Variants in TMEM68 observed in about 807,000 individuals in gnomAD.
The protein encoded by TMEM68 is transmembrane protein 68.
Under a neutral mutation model 36.9 loss-of-function variants are expected in TMEM68, and 25 were observed. That is an observed-to-expected ratio of 0.68 (90% CI 0.49 to 0.95). TMEM68 has a LOEUF of 0.95. Ranked by LOEUF, TMEM68 falls within the 40% of genes least tolerant of loss-of-function variation. The pLI, the probability that TMEM68 is intolerant of heterozygous loss-of-function variation, is 0.00. For synonymous variants in TMEM68, 131 were observed against 124.4 expected, an observed-to-expected ratio of 1.05 and a Z score of -0.35; for missense variants, 333 against 392.0, an observed-to-expected ratio of 0.85 and a Z score of 1.27.
rs537437712 is a variant in TMEM68, at chr8:55,758,051, T to C, written c.326-1640A>G. On this transcript the variant is annotated intron_variant, in intron 3 of 7. Coordinates refer to ENST00000434581, the MANE Select transcript of TMEM68 (RefSeq NM_001286657.2). The stretch of plus-strand genomic sequence containing the variant: ...CCCCAAGTACCCCCATGTGGAGTTA[T>C]AAGCAAAGGCGACCTTTTCCTGGGG... Among the ~76,000 whole-genome samples, 3 of 152,246 alleles carry C rather than the reference T, an allele frequency of 2.0e-5. No individual in the cohort carries two copies. The South Asian group carries it at 6.2e-4, about 32-fold the overall frequency.
chr8:55,769,520 T>C (rs1450893956), intron 1 of TMEM68, among the ~76,000 whole-genome samples: 1 of 152,030 alleles, frequency 6.6e-6, no homozygotes, highest in Non-Finnish European at 1.5e-5. Flanking sequence ...CTATTCTAAA[T>C]ATATCAGTAA....
At chr8:55,758,290 GACC>G (rs1810669483) in intron 3 of TMEM68, among the ~76,000 whole-genome samples, 1 of 152,096 alleles carries the variant, frequency 6.6e-6, no homozygotes, top group Non-Finnish European at 1.5e-5. Context: ...ACCTCCAACC[GACC>G]ACCAATGGCC....
intron 1 of TMEM68, among the ~76,000 whole-genome samples, chr8:55,768,961 A>G (rs2130042927): frequency 6.8e-6 from 1 of 146,374 alleles, no homozygotes; most frequent in African/African-American, 2.5e-5. Context: ...AGCTGCAGTG[A>G]GTAATGATCA....
chr8:55,763,067 G>T, intron 2 of TMEM68, 39 bp from the exon 3 acceptor site: 1 of 1,227,800 alleles, frequency 8.1e-7, no homozygotes, highest in Non-Finnish European at 1.1e-6. Flanking sequence ...TTTCTCCACA[G>T]CTATAAAGTT....
intron 4 of TMEM68, among the ~76,000 whole-genome samples, chr8:55,754,927 ATATT>A (rs1334023134): frequency 4.4e-5 from 2 of 44,968 alleles, no homozygotes; most frequent in African/African-American, 9.1e-5. Context: ...ATATTTATAT[ATATT>A]TATATATATT....
intron 4 of TMEM68, among the ~76,000 whole-genome samples, chr8:55,754,068 GACA>G (rs1226031959): frequency 6.6e-6 from 1 of 151,892 alleles, no homozygotes; most frequent in Non-Finnish European, 1.5e-5. Context: ...CTCCAGCCTG[GACA>G]ACAAGAGCGA....
chr8:55,754,533 AC>A (rs1348409525), intron 4 of TMEM68, among the ~76,000 whole-genome samples: 11 of 140,302 alleles, frequency 7.8e-5, no homozygotes, highest in African/African-American at 2.9e-4. Flanking sequence ...ATTTACATAT[AC>A]TTATATTATA....
chr8:55,757,170 T>C (rs1256355373), intron 3 of TMEM68, among the ~76,000 whole-genome samples: 1 of 152,102 alleles, frequency 6.6e-6, no homozygotes, highest in African/African-American at 2.4e-5. Flanking sequence ...ACCCTACTGA[T>C]GAGAAAAAGC....
In TMEM68 at chr8:55,740,099, G is replaced by A. The variant is rs773908564; in HGVS notation, c.*33C>T. On this transcript the variant is annotated 3_prime_UTR_variant, in exon 8 of 8. Transcript: ENST00000434581. ...TTAGATACAAACATTTAATATAAATGTACTAAATCATCTTCTAGTTGACCC... is the reference window on the plus strand; with the variant it reads ...TTAGATACAAACATTTAATATAAATATACTAAATCATCTTCTAGTTGACCC... 9 of 1,535,564 alleles carry A rather than the reference G, an allele frequency of 5.9e-6. No homozygotes were observed. Among genetic ancestry groups the A allele is most frequent in the African/African-American group, 1.4e-5 (1 of 73,204 alleles).
At chr8:55,750,700 T>C (rs531152728) in intron 5 of TMEM68, among the ~76,000 whole-genome samples, 3 of 152,076 alleles carry the variant, frequency 2.0e-5, no homozygotes, top group East Asian at 1.9e-4. Context: ...CCACCATGCC[T>C]GGCTAATTTT....
At chr8:55,766,431 C>T (rs1368969938) in intron 1 of TMEM68, among the ~76,000 whole-genome samples, 11 of 137,422 alleles carry the variant, frequency 8.0e-5, no homozygotes, top group Non-Finnish European at 1.4e-4. Flanking sequence ...GGCTGGAGTG[C>T]AGTGGCGTGA....
intron 1 of TMEM68, among the ~76,000 whole-genome samples, chr8:55,769,690 T>A (rs1350341896): frequency 6.6e-6 from 1 of 152,142 alleles, no homozygotes; most frequent in Non-Finnish European, 1.5e-5. Flanking sequence ...TGGACTGCAG[T>A]GGCTCGATTT....
intron 6 of TMEM68, 128 bp from the exon 7 acceptor site, chr8:55,743,748 C>T (rs905740172): frequency 1.0e-5 from 8 of 764,288 alleles, no homozygotes; most frequent in African/African-American, 7.2e-5. Flanking sequence ...GCAATTAATA[C>T]AATTTTTTTA....
chr8:55,754,846 A>G (rs1810548766), intron 4 of TMEM68, among the ~76,000 whole-genome samples: 2 of 134,318 alleles, frequency 1.5e-5, no homozygotes, highest in Non-Finnish European at 3.1e-5. Flanking sequence ...TATGTAATAT[A>G]TATTTATATT....
intron 1 of TMEM68, among the ~76,000 whole-genome samples, chr8:55,765,534 A>G (rs1810937867): frequency 1.3e-5 from 2 of 152,220 alleles, no homozygotes; most frequent in Non-Finnish European, 2.9e-5. Context: ...AATACCTTAC[A>G]TGTAATCAGT....
chr8:55,740,620 G>C (rs1810070792), intron 7 of TMEM68, among the ~76,000 whole-genome samples: 1 of 152,160 alleles, frequency 6.6e-6, no homozygotes, highest in Non-Finnish European at 1.5e-5. Context: ...AAACACTAAA[G>C]GGGACTTAAA....
Position 55,743,518 on chromosome 8 carries a change from T to C in TMEM68, c.851A>G (p.Tyr284Cys). Reference sequence around the variant, plus strand: ...TTCTTCCGCTGTTATCTGTGGGTCATACGGAATGGGGTCGCCTAAATAGGT... The same window carrying C: ...TTCTTCCGCTGTTATCTGTGGGTCACACGGAATGGGGTCGCCTAAATAGGT... ...LRTYLGDPIP[Y>C]DPQITAEELA... Residue 284 changes from tyrosine to cysteine, a missense_variant, in exon 7 of 8, where the codon TAT (tyrosine) becomes TGT (cysteine). Tyr to Cys is a radical substitution (Grantham distance 194). Coordinates refer to ENST00000434581, the MANE Select transcript of TMEM68 (RefSeq NM_001286657.2). 1.3e-6 allele frequency: 2 copies of C among 1,535,772 alleles called. No individual in the cohort carries two copies. Among genetic ancestry groups the C allele is most frequent in the Non-Finnish European group, 1.7e-6 (2 of 1,146,704 alleles).
At chr8:55,766,397 G>A (rs988225703) in intron 1 of TMEM68, among the ~76,000 whole-genome samples, 7 of 127,992 alleles carry the variant, frequency 5.5e-5, no homozygotes, top group African/African-American at 2.1e-4. Flanking sequence ...TTTTTTTTGA[G>A]ATGGAGTCTG....
intron 6 of TMEM68, among the ~76,000 whole-genome samples, chr8:55,744,334 C>G (rs938491406): frequency 7.0e-6 from 1 of 142,226 alleles, no homozygotes; most frequent in Non-Finnish European, 1.5e-5. Context: ...GAGACGGAGT[C>G]TCGCTCTGTC....
Sources: gnomAD v4.1 joint callset for allele counts (sites outside exome capture counted in the v4.1 genomes callset) on GRCh38, gnomAD v4.1.1 for gene constraint, MANE v1.5 for transcripts, NCBI Gene and HGNC (gene_info 2026-07-23, HGNC 2026-07-21) for gene names.